Variants in CDC73 observed in about 807,000 individuals in gnomAD.
CDC73 encodes cell division cycle 73.
In CDC73, 21 loss-of-function variants were observed where a neutral mutation model predicts 83.7. The observed-to-expected ratio is 0.25, with a 90% CI of 0.18 to 0.36. The LOEUF is 0.36. Among genes scored for constraint, CDC73 ranks in the 10% least tolerant of loss-of-function variants. The probability of loss-of-function intolerance (pLI) is 1.00; values close to 1 mark genes in which losing one functional copy is unlikely to be tolerated. For missense variants in CDC73, 342 were observed against 653.3 expected (o/e 0.52, Z 5.19); for synonymous variants, 224 against 212.9 (o/e 1.05, Z -0.45).
intron 15 of CDC73, among the ~76,000 whole-genome samples, chr1:193,249,251 T>A (rs1678004946): frequency 6.6e-6 from 1 of 152,056 alleles, no homozygotes; most frequent in South Asian, 2.1e-4. Context: ...ATTGTTAGCA[T>A]TTTTTAGCAA....
chr1:193,178,964 G>A (rs908212560), intron 10 of CDC73: 14 of 151,368 alleles, frequency 9.2e-5, no homozygotes, highest in African/African-American at 3.4e-4. Context: ...CACTATTTTA[G>A]TTAGTAGGTT....
chr1:193,237,562 C>T (rs914453897), intron 15 of CDC73, among the ~76,000 whole-genome samples: 3 of 152,038 alleles, frequency 2.0e-5, no homozygotes, highest in Non-Finnish European at 2.9e-5. Context: ...CCTCCCAGAA[C>T]GTGGCCTTTA....
chr1:193,157,006 A>G (rs1435191915), intron 10 of CDC73, among the ~76,000 whole-genome samples: 1 of 152,214 alleles, frequency 6.6e-6, no homozygotes, highest in Non-Finnish European at 1.5e-5. Context: ...ACGTTGTGCA[A>G]CAAGAGCCTA....
At chr1:193,190,925 G>A (rs1676907563) in intron 10 of CDC73, among the ~76,000 whole-genome samples, 1 of 152,140 alleles carries the variant, frequency 6.6e-6, no homozygotes, top group African/African-American at 2.4e-5. Flanking sequence ...TGATTTTTAA[G>A]GGCATTTTAG....
chr1:193,213,038 G>A (rs1046513924), intron 13 of CDC73, among the ~76,000 whole-genome samples: 5 of 152,036 alleles, frequency 3.3e-5, no homozygotes, highest in African/African-American at 9.7e-5. Flanking sequence ...CATGCATCAC[G>A]GTTATTGGGC....
At chr1:193,178,801 T>G (rs765382766) in intron 10 of CDC73, among the ~76,000 whole-genome samples, 1 of 152,210 alleles carries the variant, frequency 6.6e-6, no homozygotes, top group Non-Finnish European at 1.5e-5. Context: ...TTAAACAGTT[T>G]TAGTGTTTTC....
chr1:193,250,691 T>G lies in CDC73; in HGVS notation c.1575T>G (p.His525Gln), dbSNP rs1378278674. Residue 525 changes from histidine (H) to glutamine (Q), a missense_variant, in exon 17 of 17, where the codon CAT (histidine) becomes CAG (glutamine). His to Gln is a conservative substitution (Grantham distance 24). Transcript: ENST00000367435. ...WETLDRYMVK[H>Q]KSHLRF is the part of the protein sequence containing the mutation. ...TTTTTTTCAGGTACATGGTAAAGCA[T>G]AAATCGCACTTGAGATTCTGAATTA... 3 of 1,608,838 alleles carry G rather than the reference T, an allele frequency of 1.9e-6. No homozygotes were observed. The Admixed American group carries it at 5.0e-5, about 27-fold the overall frequency.
chr1:193,181,676 A>G, intron 10 of CDC73: 4 of 1,027,612 alleles, frequency 3.9e-6, no homozygotes, highest in Non-Finnish European at 5.6e-6. Context: ...TCTCTCTTGT[A>G]GTCATTCTAT....
intron 10 of CDC73, among the ~76,000 whole-genome samples, chr1:193,192,014 G>T (rs1302838537): frequency 6.6e-6 from 1 of 152,116 alleles, no homozygotes; most frequent in Non-Finnish European, 1.5e-5. Flanking sequence ...CAAACAATTT[G>T]TAAATTCAAG....
At position 193,169,316 on chromosome 1, in the gene CDC73, C is replaced by T. The variant is rs762965393; in HGVS notation, c.972+16872C>T. On this transcript the variant is annotated intron_variant, in intron 10 of 16. Transcript: ENST00000367435. ...TCCTAGCACTTGGGGAGGCCAAGGCCGGTGTATCACTTGAGGCCAGGAGTT... is the reference window on the plus strand; with the variant it reads ...TCCTAGCACTTGGGGAGGCCAAGGCTGGTGTATCACTTGAGGCCAGGAGTT... Among the ~76,000 whole-genome samples, 61 of 152,234 alleles carry T rather than the reference C, an allele frequency of 4.0e-4. 1 individual carries two copies. The highest frequency in any genetic ancestry group is 2.9e-3 in the Admixed American group (45 of 15,294).
intron 15 of CDC73, among the ~76,000 whole-genome samples, chr1:193,242,506 A>C (rs72740246): frequency 0.031 from 4,695 of 152,264 alleles, 85 homozygotes; most frequent in Non-Finnish European, 0.045. Flanking sequence ...TAGATCATCT[A>C]TTCAAAGTGT....
Position 193,212,467 on chromosome 1 carries a change from C to T in CDC73, c.1144C>T (p.Gln382Ter). 6.3e-7 allele frequency: 1 copy of T among 1,581,790 alleles called. No homozygotes were observed. Among genetic ancestry groups the T allele is most frequent in the Non-Finnish European group, 8.7e-7 (1 of 1,151,732 alleles). ...CATGCTTAATGCAAAAGACCTTCTA[C>T]AGGACCTGAAGTAAGTAATTTATTA... Reference protein sequence around the residue: ...ITMLNAKDLLQDLKFVPSDEK... With the variant: ...ITMLNAKDLL The change falls in exon 13 of 17, where the codon CAG (glutamine) becomes TAG (stop). Residue 382 changes from glutamine to a stop codon, truncating the protein, a stop_gained. Coordinates refer to ENST00000367435, the MANE Select transcript of CDC73 (RefSeq NM_024529.5). LOFTEE classifies it high-confidence loss of function.
chr1:193,240,815 T>G (rs1446814993), intron 15 of CDC73, among the ~76,000 whole-genome samples: 1 of 152,198 alleles, frequency 6.6e-6, no homozygotes, highest in Non-Finnish European at 1.5e-5. Context: ...TTGTTTCCAT[T>G]GCTGTACAGA....
intron 13 of CDC73, among the ~76,000 whole-genome samples, chr1:193,217,693 G>A (rs955077548): frequency 5.3e-5 from 8 of 152,124 alleles, no homozygotes; most frequent in African/African-American, 1.9e-4. Flanking sequence ...ATAGGCCCTG[G>A]GTGGGGGCAT....
intron 10 of CDC73, among the ~76,000 whole-genome samples, chr1:193,191,008 G>T (rs893980819): frequency 2.0e-5 from 3 of 152,208 alleles, no homozygotes; most frequent in Non-Finnish European, 4.4e-5. Flanking sequence ...TCTGTGTTCT[G>T]CAGGACTTCT....
chr1:193,204,221 A>G (rs1461340594), intron 11 of CDC73, among the ~76,000 whole-genome samples: 1 of 12,848 alleles, frequency 7.8e-5, no homozygotes, highest in African/African-American at 3.2e-4. Context: ...ATATATGTAT[A>G]TATATGTATA....
At chr1:193,229,992 G>A (rs879833947) in intron 13 of CDC73, among the ~76,000 whole-genome samples, 2 of 151,996 alleles carry the variant, frequency 1.3e-5, no homozygotes, top group Admixed American at 6.6e-5. Flanking sequence ...CTTAGTATAC[G>A]TTCTTCAAAA....
intron 13 of CDC73, among the ~76,000 whole-genome samples, chr1:193,232,209 T>G (rs1006538004): frequency 1.3e-5 from 2 of 152,154 alleles, no homozygotes; most frequent in African/African-American, 4.8e-5. Flanking sequence ...TTGATGGTAT[T>G]TTTGTAATTT....
intron 15 of CDC73, among the ~76,000 whole-genome samples, chr1:193,241,095 C>G (rs1460212962): frequency 6.6e-6 from 1 of 151,908 alleles, no homozygotes; most frequent in Admixed American, 6.6e-5. Context: ...TTTTCTGTTT[C>G]TTGTGTCCTA....
Sources: allele counts gnomAD v4.1 joint callset (sites outside exome capture counted in the v4.1 genomes callset), GRCh38; gene constraint gnomAD v4.1.1; transcripts MANE v1.5; gene names NCBI Gene and HGNC (gene_info 2026-07-23, HGNC 2026-07-21).